MMP26: variants seen among roughly 807,000 people sequenced by gnomAD.
The protein encoded by MMP26 is matrix metallopeptidase 26.
A neutral mutation model predicts 31.0 loss-of-function variants in MMP26; 33 were observed. The ratio of observed to expected loss-of-function variants is 1.06; its 90% CI spans 0.81 to 1.42. The LOEUF (loss-of-function observed/expected upper bound fraction) is 1.42. Among genes scored for constraint, MMP26 ranks in the 40% most tolerant of loss-of-function variants. The pLI is 0.00. For missense variants in MMP26, 347 were observed against 316.1 expected (o/e 1.10, Z -0.74); for synonymous variants, 122 against 114.9 (o/e 1.06, Z -0.40).
intron 2 of MMP26, among the ~76,000 whole-genome samples, chr11:4,929,233 G>T (rs1302987577): frequency 1.3e-5 from 2 of 151,882 alleles, no homozygotes; most frequent in Non-Finnish European, 2.9e-5. Context: ...TCATTTATGG[G>T]AATGGTATGA....
chr11:4,858,437 C>T (rs1405718654), intron 2 of MMP26, among the ~76,000 whole-genome samples: 1 of 152,058 alleles, frequency 6.6e-6, no homozygotes, highest in Non-Finnish European at 1.5e-5. Flanking sequence ...CAATAATAGA[C>T]AGAGAGCCAA....
chr11:4,779,618 G>A (rs1293312760), intron 2 of MMP26, among the ~76,000 whole-genome samples: 1 of 151,994 alleles, frequency 6.6e-6, no homozygotes, highest in Non-Finnish European at 1.5e-5. Flanking sequence ...CTCTGAAGCT[G>A]AATATTTCAT....
chr11:4,913,586 A>G (rs1381830593), intron 2 of MMP26: 2 of 152,208 alleles, frequency 1.3e-5, no homozygotes, highest in Non-Finnish European at 2.9e-5. Context: ...ACAATACAAC[A>G]TATAAAAGGG....
At chr11:4,944,713 A>G (rs1846267922) in intron 2 of MMP26, 1 of 152,178 alleles carries the variant, frequency 6.6e-6, no homozygotes, top group Admixed American at 6.5e-5. Context: ...TCATATTAGG[A>G]AGGAAAGTTG....
intron 2 of MMP26, among the ~76,000 whole-genome samples, chr11:4,916,093 C>T (rs751464169): frequency 3.3e-5 from 5 of 151,346 alleles, no homozygotes; most frequent in Non-Finnish European, 7.4e-5. Context: ...CCGAGGCGGG[C>T]GGATCATGAG....
At chr11:4,842,665 C>G (rs113040892) in intron 2 of MMP26, among the ~76,000 whole-genome samples, 1 of 152,052 alleles carries the variant, frequency 6.6e-6, no homozygotes, top group Non-Finnish European at 1.5e-5. Flanking sequence ...GGACACAGAG[C>G]CAAAACATAT....
intron 2 of MMP26, among the ~76,000 whole-genome samples, chr11:4,979,650 G>A (rs1293704461): frequency 6.6e-6 from 1 of 152,040 alleles, no homozygotes; most frequent in Non-Finnish European, 1.5e-5. Context: ...ATGAAACTTA[G>A]CATCACAGTC....
At chr11:4,742,510 A>G (rs930308703) in intron 1 of MMP26, among the ~76,000 whole-genome samples, 4 of 152,142 alleles carry the variant, frequency 2.6e-5, no homozygotes, top group Non-Finnish European at 5.9e-5. Context: ...ATATGATTAA[A>G]CATTATTTCT....
At chr11:4,873,015 G>A (rs902171847) in intron 2 of MMP26, among the ~76,000 whole-genome samples, 1 of 152,014 alleles carries the variant, frequency 6.6e-6, no homozygotes, top group African/African-American at 2.4e-5. Flanking sequence ...TTGCTAAAGG[G>A]TCTTGGAAGG....
chr11:4,937,537 T>C (rs986210222), intron 2 of MMP26: 1 of 152,908 alleles, frequency 6.5e-6, no homozygotes, highest in African/African-American at 2.4e-5. Context: ...CGTGGGCACA[T>C]AGAAGATAAG....
intron 2 of MMP26, among the ~76,000 whole-genome samples, chr11:4,819,412 A>T (rs1849463210): frequency 6.6e-6 from 1 of 151,972 alleles, no homozygotes; most frequent in Non-Finnish European, 1.5e-5. Context: ...GGAAAGAAAC[A>T]AGAAAACTGA....
Position 4,784,150 on chromosome 11 carries a change from G to T in MMP26, c.-145+16809G>T, listed in dbSNP as rs73399054. ...GGCTGGAGACTGAAGTCATCTGAAG[G>T]CCTCCTCATTTACAATATCTGGCAG... On this transcript the variant is annotated intron_variant, in intron 2 of 7. Transcript: ENST00000380390. Among the ~76,000 whole-genome samples the T allele has an allele frequency of 5.0e-3, 758 of 152,258 alleles. 4 individuals are homozygous for T. Among genetic ancestry groups the T allele is most frequent in the African/African-American group, 0.017 (687 of 41,552 alleles).
intron 2 of MMP26, among the ~76,000 whole-genome samples, chr11:4,773,779 T>G (rs560035791): frequency 1.8e-3 from 272 of 152,228 alleles, no homozygotes; most frequent in Non-Finnish European, 2.7e-3. Flanking sequence ...CCTAATACTC[T>G]CCCTTTGCCC....
In MMP26 at chr11:4,964,342, T is replaced by G. The variant is rs184345035; in HGVS notation, c.-144-23726T>G. ...TTTTCTGCATAATGGCTAGCCAGTT[T>G]TCCTAGCACCATTTATTAAATAAGG... On this transcript the variant is annotated intron_variant, in intron 2 of 7. Coordinates refer to ENST00000380390, the MANE Select transcript of MMP26 (RefSeq NM_021801.5). 1.2e-3 allele frequency among the ~76,000 whole-genome samples: 181 copies of G among 152,266 alleles called. 1 individual carries two copies. The highest frequency in any genetic ancestry group is 2.2e-3 in the Non-Finnish European group (151 of 67,996).
At chr11:4,793,985 AT>A (rs1285627333) in intron 2 of MMP26, 1 of 152,232 alleles carries the variant, frequency 6.6e-6, no homozygotes, top group African/African-American at 2.4e-5. Context: ...TGTGGAAGGC[AT>A]ATATGCTAAA....
chr11:4,828,460 CAAAT>C (rs1849606375), intron 2 of MMP26, among the ~76,000 whole-genome samples: 1 of 152,092 alleles, frequency 6.6e-6, no homozygotes, highest in Non-Finnish European at 1.5e-5. Flanking sequence ...AAATACACAT[CAAAT>C]AAATGAATGA....
chr11:4,714,174 C>T (rs11033496), intron 1 of MMP26, among the ~76,000 whole-genome samples: 19,192 of 152,226 alleles, frequency 0.13, 1,631 homozygotes, highest in Middle Eastern at 0.21. Context: ...ACACTTTACA[C>T]GCCCTGGTTT....
At chr11:4,803,758 G>A in intron 2 of MMP26, 1 of 1,613,670 alleles carries the variant, frequency 6.2e-7, no homozygotes, top group Non-Finnish European at 8.5e-7. Flanking sequence ...GCCAGCCACA[G>A]AGAAGGCCAC....
chr11:4,959,193 T>C (rs2595983), intron 2 of MMP26, among the ~76,000 whole-genome samples: 1 of 148,016 alleles, frequency 6.8e-6, no homozygotes, highest in African/African-American at 2.5e-5. Flanking sequence ...AGCTGAGATC[T>C]CGCCACCGCA....
Sources: gnomAD v4.1 joint callset for allele counts (sites outside exome capture counted in the v4.1 genomes callset) on GRCh38, gnomAD v4.1.1 for gene constraint, MANE v1.5 for transcripts, NCBI Gene and HGNC (gene_info 2026-07-23, HGNC 2026-07-21) for gene names.